Variants in SAR1A observed in about 807,000 individuals in gnomAD.
SAR1A encodes the protein small COPII coat GTPase SAR1A.
Under a neutral mutation model 22.6 loss-of-function variants are expected in SAR1A, and 6 were observed. The ratio of observed to expected loss-of-function variants is 0.27; its 90% CI spans 0.15 to 0.52. The LOEUF (loss-of-function observed/expected upper bound fraction) is 0.52. Among genes scored for constraint, SAR1A ranks in the 20% least tolerant of loss-of-function variants. SAR1A has a pLI of 0.96. For missense variants in SAR1A, 145 were observed against 245.1 expected (o/e 0.59, Z 2.73); for synonymous variants, 70 against 82.2 (o/e 0.85, Z 0.80).
At chr10:70,158,900 C>G (rs1426736597) in intron 4 of SAR1A, among the ~76,000 whole-genome samples, 1 of 152,090 alleles carries the variant, frequency 6.6e-6, no homozygotes, top group Non-Finnish European at 1.5e-5. Flanking sequence ...AATACATTTC[C>G]CTTCTTACTT....
At chr10:70,166,417 A>G (rs1839551103) in intron 1 of SAR1A, among the ~76,000 whole-genome samples, 1 of 152,230 alleles carries the variant, frequency 6.6e-6, no homozygotes, top group Non-Finnish European at 1.5e-5. Context: ...AAGAATGAAA[A>G]GCACATTGAT....
chr10:70,151,944 C>T lies in SAR1A; in HGVS notation c.*532G>A, dbSNP rs1839331177. The T allele has an allele frequency of 6.0e-6, 1 of 166,258 alleles. No homozygotes were observed. Among genetic ancestry groups the T allele is most frequent in the Non-Finnish European group, 1.3e-5 (1 of 76,642 alleles). The allele number at this position is 166,258 out of a possible 1,614,324, so 10.3% of individuals were successfully genotyped here. On this transcript the variant is annotated 3_prime_UTR_variant, in exon 7 of 7. Transcript: ENST00000373241. ...GTGAGCTCAGGGGAGCTTCTCTCAC[C>T]AACCTGCTAACTCAGCAGGAGTAAG...
intron 1 of SAR1A, among the ~76,000 whole-genome samples, chr10:70,162,344 C>T (rs1261133869): frequency 8.2e-6 from 1 of 121,790 alleles, no homozygotes; most frequent in Non-Finnish European, 1.7e-5. Context: ...ATAAAAAAGA[C>T]AGGACAGGAC....
At chr10:70,168,759 AAAT>A (rs1018120851) in intron 1 of SAR1A, among the ~76,000 whole-genome samples, 22 of 152,100 alleles carry the variant, frequency 1.4e-4, no homozygotes, top group African/African-American at 4.3e-4. Flanking sequence ...GGTGAGCTAA[AAAT>A]AATAAAAACC....
rs1489060157 is a variant in SAR1A at position 70,150,239 on chromosome 10, A to G, written c.*2237T>C. 2 of 152,236 alleles carry G rather than the reference A, an allele frequency of 1.3e-5. No individual in the cohort carries two copies. Among genetic ancestry groups the G allele is most frequent in the East Asian group, 1.9e-4 (1 of 5,206 alleles). The allele number at this position is 152,236 out of a possible 1,614,324, so 9.4% of individuals were successfully genotyped here. On this transcript the variant is annotated 3_prime_UTR_variant, in exon 7 of 7. Transcript: ENST00000373241. Reference sequence around the variant, plus strand: ...CTTTTTATTAAAATGCTTAGGATACAGATTGACTTTCTTTCGTAAATGACT... The same window carrying G: ...CTTTTTATTAAAATGCTTAGGATACGGATTGACTTTCTTTCGTAAATGACT...
At chr10:70,162,556 T>C (rs543686561) in intron 1 of SAR1A, 133 of 150,718 alleles carry the variant, frequency 8.8e-4, no homozygotes, top group African/African-American at 3.0e-3. Flanking sequence ...GAGAAACTAA[T>C]ATTCTTTCTT....
Position 70,152,345 on chromosome 10 carries a change from A to C in SAR1A, c.*131T>G. The C allele has an allele frequency of 2.2e-6, 2 of 916,614 alleles. No homozygotes were observed. Among genetic ancestry groups the C allele is most frequent in the Non-Finnish European group, 1.7e-6 (1 of 576,904 alleles). 56.8% of individuals were successfully genotyped at this position (916,614 alleles called of 1,614,324 possible). A position where few individuals can be genotyped will look rare whatever the true frequency, so the allele number is the denominator to read the frequency against. ...ACCACTGGGCAATGAGAGAGTTGAC[A>C]GAGACTCTTGGCTTCTCAACGCCAG... On this transcript the variant is annotated 3_prime_UTR_variant, in exon 7 of 7. Transcript: ENST00000373241.
chr10:70,160,973 T>C, intron 4 of SAR1A, 31 bp downstream of exon 4: 2 of 1,553,516 alleles, frequency 1.3e-6, no homozygotes, highest in Non-Finnish European at 1.8e-6. Context: ...AATAAGTCAA[T>C]AAACATGCTT....
intron 3 of SAR1A, chr10:70,161,285 C>G: frequency 1.8e-6 from 1 of 548,196 alleles, no homozygotes; most frequent in East Asian, 3.0e-5. Flanking sequence ...GGCAACGCCC[C>G]ACTCCCAACA....
At chr10:70,163,981 A>G (rs949670131) in intron 1 of SAR1A, 8 of 1,199,668 alleles carry the variant, frequency 6.7e-6, no homozygotes, top group Admixed American at 1.7e-5. Flanking sequence ...GGCAATGGCT[A>G]TATTAGTGGT....
rs1839334417 is a variant in SAR1A, at chr10:70,152,274, C to G, written c.*202G>C. 1.0e-6 allele frequency: 1 copy of G among 984,928 alleles called. No individual in the cohort carries two copies. Among genetic ancestry groups the G allele is most frequent in the African/African-American group, 1.6e-5 (1 of 62,308 alleles). 61.0% of individuals were successfully genotyped at this position (984,928 alleles called of 1,614,324 possible). On this transcript the variant is annotated 3_prime_UTR_variant, in exon 7 of 7. Transcript: ENST00000373241. ...CCCAGGATACTGACCTGCACCAGCA[C>G]GTGGGGCAGCATTACCTCCCAACAG...
At chr10:70,160,144 G>A (rs1320765152) in intron 4 of SAR1A, among the ~76,000 whole-genome samples, 3 of 151,580 alleles carry the variant, frequency 2.0e-5, no homozygotes, top group East Asian at 1.9e-4. Context: ...ATATGATACC[G>A]TATACCTGGT....
chr10:70,161,099 A>G, intron 3 of SAR1A, 30 bp from the exon 4 acceptor site: 2 of 1,549,666 alleles, frequency 1.3e-6, no homozygotes, highest in Non-Finnish European at 1.8e-6. Flanking sequence ...GAAGAAAAAA[A>G]CTTGTCAACT....
At chr10:70,157,568 G>C (rs771244115) in intron 5 of SAR1A, 196 bp downstream of exon 5, 2 of 529,586 alleles carry the variant, frequency 3.8e-6, no homozygotes, top group Non-Finnish European at 6.7e-6. Flanking sequence ...ATTTAAGTTT[G>C]AGCTGAGTTT....
chr10:70,151,451 C>T lies in SAR1A; in HGVS notation c.*1025G>A, dbSNP rs1839326484. On this transcript the variant is annotated 3_prime_UTR_variant, in exon 7 of 7. Transcript: ENST00000373241. ...CATTTTTCATGGATCCAAACAAATGCTACAATACTTTTAAGTCCTCAACTC... is the reference window on the plus strand; with the variant it reads ...CATTTTTCATGGATCCAAACAAATGTTACAATACTTTTAAGTCCTCAACTC... 1 of 152,082 alleles carries T rather than the reference C, an allele frequency of 6.6e-6. No homozygotes were observed. Among genetic ancestry groups the T allele is most frequent in the African/African-American group, 2.4e-5 (1 of 41,394 alleles). 9.4% of individuals were successfully genotyped at this position (152,082 alleles called of 1,614,324 possible).
In SAR1A at chr10:70,149,546, G is replaced by GTTTT. The variant is rs1564567602; in HGVS notation, c.*2929_*2930insAAAA. On this transcript the variant is annotated 3_prime_UTR_variant, in exon 7 of 7. Transcript: ENST00000373241. ...ATTTTGCCAAATGTAGCATTTAATT[G>GTTTT]ATTTTTTTTTTTTTTTTTTTTTTGA... The GTTTT allele has an allele frequency of 1.3e-4, 3 of 23,950 alleles. No homozygotes were observed. The highest frequency in any genetic ancestry group is 4.9e-4 in the Admixed American group (1 of 2,052). The allele number at this position is 23,950 out of a possible 1,614,324, so 1.5% of individuals were successfully genotyped here.
chr10:70,153,822 A>T lies in SAR1A; in HGVS notation c.480+16T>A. 1 of 1,571,008 alleles carries T rather than the reference A, an allele frequency of 6.4e-7. No homozygotes were observed. Among genetic ancestry groups the T allele is most frequent in the Non-Finnish European group, 8.6e-7 (1 of 1,166,694 alleles). Reference sequence around the variant, plus strand: ...GTTAATGTCCTTTATATGTAACCCAAATATTTTTCTCTTACCTTTCCTGTG... The same window carrying T: ...GTTAATGTCCTTTATATGTAACCCATATATTTTTCTCTTACCTTTCCTGTG... On this transcript the variant is annotated intron_variant, in intron 6 of 6. Coordinates refer to ENST00000373241, the MANE Select transcript of SAR1A (RefSeq NM_020150.5).
chr10:70,152,207 T>A lies in SAR1A; in HGVS notation c.*269A>T. 1.8e-6 allele frequency: 1 copy of A among 543,530 alleles called. No homozygotes were observed. Among genetic ancestry groups the A allele is most frequent in the Non-Finnish European group, 3.2e-6 (1 of 313,996 alleles). The allele number at this position is 543,530 out of a possible 1,614,324, so 33.7% of individuals were successfully genotyped here. A position where few individuals can be genotyped will look rare whatever the true frequency, so the allele number is the denominator to read the frequency against. ...GTTTTTCTTTTCAGGTGCCCCATGA[T>A]GGCATACAGCTTTACCCGGCAAATC... On this transcript the variant is annotated 3_prime_UTR_variant, in exon 7 of 7. Coordinates refer to ENST00000373241, the MANE Select transcript of SAR1A (RefSeq NM_020150.5).
In SAR1A at chr10:70,161,064, C is replaced by G. The variant is rs746359163; in HGVS notation, c.184G>C (p.Glu62Gln). 1.2e-6 allele frequency: 2 copies of G among 1,611,442 alleles called. No homozygotes were observed. The highest frequency in any genetic ancestry group is 1.7e-6 in the Non-Finnish European group (2 of 1,178,738). The part of the protein sequence containing the change: ...QHVPTLHPTS[E>Q]ELTIAGMTFT... ...GTCATTCCAGCAATTGTTAGCTCTT[C>G]TGATGCTGAAAAATTGTTTAAAAAG... The change falls in exon 4 of 7, where the codon GAA becomes CAA. Residue 62 changes from glutamate to glutamine, a missense_variant. By Grantham distance (29) the Glu-to-Gln change is conservative (BLOSUM62 2). Coordinates refer to ENST00000373241, the MANE Select transcript of SAR1A (RefSeq NM_020150.5).
Sources: allele counts gnomAD v4.1 joint callset (sites outside exome capture counted in the v4.1 genomes callset), GRCh38; gene constraint gnomAD v4.1.1; transcripts MANE v1.5; gene names NCBI Gene and HGNC (gene_info 2026-07-23, HGNC 2026-07-21).